The following DDX60L variants were observed in gnomAD, a reference collection of about 807,000 sequenced individuals.
The protein encoded by DDX60L is probable ATP-dependent RNA helicase DDX60-like.
DDX60L carries 191 observed loss-of-function variants against 211.6 expected under a neutral mutation model. That is an observed-to-expected ratio of 0.90 (90% CI 0.80 to 1.02). The LOEUF (loss-of-function observed/expected upper bound fraction) is 1.02, where lower values mean the gene tolerates loss of function less well. Among genes scored for constraint, DDX60L ranks in the 50% least tolerant of loss-of-function variants. The probability of loss-of-function intolerance (pLI) is 0.00; values close to 1 mark genes in which losing one functional copy is unlikely to be tolerated. For synonymous variants in DDX60L, 706 were observed against 694.1 expected (o/e 1.02, Z -0.27); for missense variants, 2,007 against 1,984.1 (o/e 1.01, Z -0.22).
intron 7 of DDX60L, 43 bp downstream of exon 7, chr4:168,455,996 G>C (rs1360066318): frequency 7.3e-7 from 1 of 1,369,286 alleles, no homozygotes. Context: ...TACACCTGAT[G>C]AATGACAGCT....
At chr4:168,466,361 G>T (rs1172845238) in intron 4 of DDX60L, among the ~76,000 whole-genome samples, 1 of 152,046 alleles carries the variant, frequency 6.6e-6, no homozygotes, top group Non-Finnish European at 1.5e-5. Flanking sequence ...GAGGGCAGAA[G>T]AAAATGGAAA....
chr4:168,479,055 A>G (rs753955241), intron 1 of DDX60L, among the ~76,000 whole-genome samples: 2 of 152,232 alleles, frequency 1.3e-5, no homozygotes, highest in South Asian at 4.1e-4. Flanking sequence ...AATATCTTTT[A>G]AAGTGTATGG....
At chr4:168,422,825 G>A (rs1488637308) in intron 15 of DDX60L, among the ~76,000 whole-genome samples, 155 bp from the exon 16 acceptor site, 2 of 151,914 alleles carry the variant, frequency 1.3e-5, no homozygotes, top group African/African-American at 2.4e-5. Flanking sequence ...ACCCAGGCTG[G>A]AGTGCAGTGA....
intron 13 of DDX60L, among the ~76,000 whole-genome samples, chr4:168,428,137 T>C (rs1333393643): frequency 6.6e-6 from 1 of 152,222 alleles, no homozygotes; most frequent in Non-Finnish European, 1.5e-5. Context: ...ACTTTGATCC[T>C]TATGCTTGAA....
chr4:168,417,568 C>CTGAT (rs1027156486), intron 19 of DDX60L, among the ~76,000 whole-genome samples: 22 of 152,264 alleles, frequency 1.4e-4, no homozygotes, highest in African/African-American at 5.3e-4. Context: ...TGAAAACTAA[C>CTGAT]TGATTTTTTT....
chr4:168,417,123 T>C (rs1386166004), intron 19 of DDX60L, among the ~76,000 whole-genome samples: 1 of 152,192 alleles, frequency 6.6e-6, no homozygotes, highest in Non-Finnish European at 1.5e-5. Flanking sequence ...GCTTCCACTC[T>C]TTCTCTATAC....
intron 22 of DDX60L, among the ~76,000 whole-genome samples, chr4:168,408,377 T>A (rs2149806029): frequency 6.6e-6 from 1 of 152,334 alleles, no homozygotes; most frequent in South Asian, 2.1e-4. Context: ...TAGTGACTGA[T>A]TATTAACTTT....
intron 29 of DDX60L, among the ~76,000 whole-genome samples, chr4:168,388,789 G>A (rs1451826900): frequency 6.6e-6 from 1 of 152,176 alleles, no homozygotes; most frequent in East Asian, 1.9e-4. Context: ...CCAGTGTGGT[G>A]GTGAGCAGTC....
rs374887776 is a variant in DDX60L at position 168,358,155 on chromosome 4, A to T, written c.5113T>A (p.Leu1705Ile). ...GAAAGTTTTCCATGGTGTTATTCTA[A>T]ATGATTTTGACTCATTTGAATTTGC... ...EMQIQMSQNH[L>I]E Residue 1705 changes from leucine to isoleucine, a missense_variant, in exon 38 of 38, where the codon TTA becomes ATA. Leu to Ile is a conservative substitution (Grantham distance 5). Coordinates refer to ENST00000682922, the MANE Select transcript of DDX60L (RefSeq NM_001012967.3). The T allele has an allele frequency of 1.4e-5, 23 of 1,608,752 alleles. No homozygotes were observed. In the African/African-American group the frequency reaches 3.1e-4, roughly 22 times the overall value.
At position 168,421,849 on chromosome 4, in the gene DDX60L, AGGACGTT is replaced by A. The variant is rs1289815636; in HGVS notation, c.2298_2304del (p.Thr767GlnfsTer15). On this transcript the variant is annotated frameshift_variant, in exon 17 of 38. Transcript: ENST00000682922. LOFTEE classifies it high-confidence loss of function. ...TAGTAGGAAGCATAGGTTTTGCCTG[AGGACGTT>A]GGGGCAACAATCACTGCTGACTCAT... 2 of 1,614,210 alleles carry A rather than the reference AGGACGTT, an allele frequency of 1.2e-6. No individual in the cohort carries two copies. Among genetic ancestry groups the A allele is most frequent in the Admixed American group, 3.3e-5 (2 of 60,016 alleles).
Position 168,421,792 on chromosome 4 carries a change from C to CA in DDX60L, c.2361dup (p.Val788CysfsTer22). 1 of 1,614,208 alleles carries CA rather than the reference C, an allele frequency of 6.2e-7. No homozygotes were observed. The highest frequency in any genetic ancestry group is 8.5e-7 in the Non-Finnish European group (1 of 1,180,034). ...GGTGCAACGTACACAACCACCCCGA[C>CA]ATCGCTCTCCCTCAGCACTTTCTCC... On this transcript the variant is annotated frameshift_variant, in exon 17 of 38. Coordinates refer to ENST00000682922, the MANE Select transcript of DDX60L (RefSeq NM_001012967.3). LOFTEE classifies it high-confidence loss of function.
chr4:168,473,031 G>A (rs1410427508), intron 1 of DDX60L, among the ~76,000 whole-genome samples: 2 of 152,270 alleles, frequency 1.3e-5, no homozygotes, highest in East Asian at 1.9e-4. Context: ...GAAGGAATGA[G>A]TACTCCCTTA....
At chr4:168,419,211 C>T in intron 19 of DDX60L, 91 bp downstream of exon 19, 1 of 787,794 alleles carries the variant, frequency 1.3e-6, no homozygotes, top group Non-Finnish European at 1.9e-6. Context: ...ACTTAACTGC[C>T]ATCATTGAAA....
intron 25 of DDX60L, among the ~76,000 whole-genome samples, chr4:168,403,308 G>A (rs1325335235): frequency 7.2e-5 from 11 of 152,338 alleles, no homozygotes; most frequent in Admixed American, 5.9e-4. Flanking sequence ...ACACACCTAT[G>A]TGTTTGTGTG....
At chr4:168,468,898 A>G (rs1758369989) in intron 4 of DDX60L, 1 of 152,224 alleles carries the variant, frequency 6.6e-6, no homozygotes, top group Admixed American at 6.5e-5. Flanking sequence ...CTTGAAATAG[A>G]TTTAGCAAAA....
At chr4:168,365,541 GA>G (rs554717166) in intron 36 of DDX60L, among the ~76,000 whole-genome samples, 88 of 129,122 alleles carry the variant, frequency 6.8e-4, no homozygotes, top group South Asian at 2.6e-3. Context: ...TTTTTCATCA[GA>G]AAAAAAAAAA....
intron 10 of DDX60L, among the ~76,000 whole-genome samples, chr4:168,435,428 A>G (rs1752904832): frequency 6.6e-6 from 1 of 152,230 alleles, no homozygotes; most frequent in Non-Finnish European, 1.5e-5. Context: ...CCTCACATCC[A>G]CATTCAACCT....
At chr4:168,449,654 A>AAAAAAAAAAAAAAAAAAAAAAAAAT (rs1561098700) in intron 8 of DDX60L, among the ~76,000 whole-genome samples, 1 of 59,674 alleles carries the variant, frequency 1.7e-5, no homozygotes, top group African/African-American at 8.0e-5. Flanking sequence ...AAAAAATGCA[A>AAAAAAAAAAAAAAAAAAAAAAAAAT]AAAAAAAAAA....
At chr4:168,417,323 G>A (rs866770201) in intron 19 of DDX60L, among the ~76,000 whole-genome samples, 1 of 152,004 alleles carries the variant, frequency 6.6e-6, no homozygotes, top group African/African-American at 2.4e-5. Context: ...CACTTTCCCC[G>A]CCATGCACTC....
Sources: allele counts gnomAD v4.1 joint callset (sites outside exome capture counted in the v4.1 genomes callset), GRCh38; gene constraint gnomAD v4.1.1; transcripts MANE v1.5; gene names NCBI Gene and HGNC (gene_info 2026-07-23, HGNC 2026-07-21).